Variants in NCOA1 observed in about 807,000 individuals in gnomAD.
The protein encoded by NCOA1 is nuclear receptor coactivator 1.
NCOA1 carries 35 observed loss-of-function variants against 150.9 expected under a neutral mutation model. That is an observed-to-expected ratio of 0.23 (90% CI 0.18 to 0.31). The LOEUF (loss-of-function observed/expected upper bound fraction) is 0.31, where lower values mean the gene tolerates loss of function less well. NCOA1 is among the 10% of genes least tolerant of loss of function. The pLI, the probability that NCOA1 is intolerant of heterozygous loss-of-function variation, is 1.00. For missense variants in NCOA1, 1,491 were observed against 1,749.3 expected (o/e 0.85, Z 2.63); for synonymous variants, 590 against 630.0 (o/e 0.94, Z 0.95).
intron 1 of NCOA1, among the ~76,000 whole-genome samples, chr2:24,508,851 A>G (rs1663815082): frequency 6.6e-6 from 1 of 152,202 alleles, no homozygotes; most frequent in East Asian, 1.9e-4. Flanking sequence ...ATCTCTGGTT[A>G]TCTTTTGTGA....
chr2:24,578,972 A>AT (rs750598428), intron 2 of NCOA1, among the ~76,000 whole-genome samples: 14 of 152,200 alleles, frequency 9.2e-5, no homozygotes, highest in Non-Finnish European at 1.6e-4. Context: ...CTGGGACTGT[A>AT]TCTTTTTTTG....
intron 20 of NCOA1, among the ~76,000 whole-genome samples, chr2:24,752,381 T>G (rs1222036272): frequency 6.6e-6 from 1 of 152,230 alleles, no homozygotes; most frequent in African/African-American, 2.4e-5. Context: ...ATGGGCTGAT[T>G]GTATTCACAG....
intron 17 of NCOA1, among the ~76,000 whole-genome samples, chr2:24,733,476 G>A (rs1663122665): frequency 6.6e-6 from 1 of 152,220 alleles, no homozygotes; most frequent in East Asian, 1.9e-4. Context: ...GGGCACAGTG[G>A]CTCACGCCTG....
intron 1 of NCOA1, among the ~76,000 whole-genome samples, chr2:24,521,413 A>G (rs1016019668): frequency 6.6e-6 from 1 of 152,128 alleles, no homozygotes; most frequent in Admixed American, 6.6e-5. Context: ...TCAGCCTCTG[A>G]TAACCATCAT....
At chr2:24,605,413 T>G (rs1401869320) in intron 3 of NCOA1, among the ~76,000 whole-genome samples, 1 of 152,232 alleles carries the variant, frequency 6.6e-6, no homozygotes, top group Admixed American at 6.5e-5. Flanking sequence ...TTTTAAGATT[T>G]ATTTATGTTG....
chr2:24,719,286 A>G (rs1674237595), intron 14 of NCOA1, among the ~76,000 whole-genome samples: 2 of 152,302 alleles, frequency 1.3e-5, no homozygotes, highest in African/African-American at 4.8e-5. Context: ...TGCCTGAGTT[A>G]GGAAGATTGA....
intron 2 of NCOA1, among the ~76,000 whole-genome samples, chr2:24,575,815 C>T (rs1022975256): frequency 1.3e-5 from 2 of 152,086 alleles, no homozygotes; most frequent in African/African-American, 2.4e-5. Flanking sequence ...CCTCATGATC[C>T]GCCCACCTGG....
intron 1 of NCOA1, among the ~76,000 whole-genome samples, chr2:24,515,427 G>T (rs1373629016): frequency 6.6e-6 from 1 of 151,962 alleles, no homozygotes; most frequent in African/African-American, 2.4e-5. Context: ...TTAGAGATGG[G>T]TTCTCACTAT....
intron 3 of NCOA1, among the ~76,000 whole-genome samples, chr2:24,634,837 A>G (rs1318899661): frequency 6.6e-6 from 1 of 150,380 alleles, no homozygotes; most frequent in Non-Finnish European, 1.5e-5. Flanking sequence ...TCAGCCCCCC[A>G]ACTGAGTAGC....
intron 1 of NCOA1, among the ~76,000 whole-genome samples, chr2:24,545,007 A>G (rs1665551622): frequency 6.6e-6 from 1 of 152,228 alleles, no homozygotes; most frequent in Non-Finnish European, 1.5e-5. Context: ...TTACCTTAAT[A>G]TTGATACAGA....
intron 13 of NCOA1, among the ~76,000 whole-genome samples, chr2:24,708,981 G>C (rs370552627): frequency 6.6e-5 from 10 of 152,236 alleles, no homozygotes; most frequent in African/African-American, 2.4e-4. Flanking sequence ...TCCCTAGTTA[G>C]ACATTTCCTG....
At chr2:24,505,264 G>A (rs1470736524) in intron 1 of NCOA1, among the ~76,000 whole-genome samples, 20 of 150,802 alleles carry the variant, frequency 1.3e-4, no homozygotes, top group Non-Finnish European at 7.4e-5. Flanking sequence ...TCGGCTCACC[G>A]CAACCTCCGC....
intron 1 of NCOA1, among the ~76,000 whole-genome samples, chr2:24,518,541 A>G (rs1664299248): frequency 6.6e-6 from 1 of 152,172 alleles, no homozygotes; most frequent in African/African-American, 2.4e-5. Context: ...TTGGCAAGGA[A>G]GAAGTAACTT....
intron 22 of NCOA1, among the ~76,000 whole-genome samples, chr2:24,765,892 T>C (rs1300424507): frequency 6.7e-6 from 1 of 148,768 alleles, no homozygotes; most frequent in Admixed American, 6.8e-5. Flanking sequence ...ATTTCAATAA[T>C]ACACTTTTTT....
intron 1 of NCOA1, among the ~76,000 whole-genome samples, chr2:24,530,317 T>A (rs1201841619): frequency 6.6e-6 from 1 of 152,252 alleles, no homozygotes; most frequent in Non-Finnish European, 1.5e-5. Flanking sequence ...TTAGTGAGAA[T>A]CTTTCTTGTG....
chr2:24,728,552 A>G (rs1468804945), intron 16 of NCOA1, 76 bp downstream of exon 16: 5 of 1,311,260 alleles, frequency 3.8e-6, no homozygotes, highest in Non-Finnish European at 5.2e-6. Context: ...AAGATTTTAA[A>G]GTATTGTACC....
At chr2:24,686,286 A>G (rs1414029171) in intron 8 of NCOA1, among the ~76,000 whole-genome samples, 1 of 152,186 alleles carries the variant, frequency 6.6e-6, no homozygotes, top group Non-Finnish European at 1.5e-5. Flanking sequence ...TACAGGAGTC[A>G]GCCACCACGC....
chr2:24,605,562 T>C (rs1030372799), intron 3 of NCOA1, among the ~76,000 whole-genome samples: 3 of 152,260 alleles, frequency 2.0e-5, no homozygotes, highest in African/African-American at 7.2e-5. Flanking sequence ...GTGGTATGCA[T>C]GTGCAAAAGT....
intron 1 of NCOA1, among the ~76,000 whole-genome samples, chr2:24,515,171 AAGGTGCATTT>A (rs1005096323): frequency 2.2e-4 from 33 of 152,218 alleles, no homozygotes; most frequent in African/African-American, 7.0e-4. Flanking sequence ...TAAATTACTA[AAGGTGCATTT>A]AGGAACAACT....
Sources: allele counts gnomAD v4.1 joint callset (sites outside exome capture counted in the v4.1 genomes callset), GRCh38; gene constraint gnomAD v4.1.1; transcripts MANE v1.5; gene names NCBI Gene and HGNC (gene_info 2026-07-23, HGNC 2026-07-21).